Variants in CSMD3 observed in about 807,000 individuals in gnomAD.
CSMD3 encodes the protein CUB and Sushi multiple domains 3.
In CSMD3, 177 loss-of-function variants were observed where a neutral mutation model predicts 435.2. That is an observed-to-expected ratio of 0.41 (90% CI 0.36 to 0.46). The LOEUF is 0.46. Among genes scored for constraint, CSMD3 ranks in the 20% least tolerant of loss-of-function variants. CSMD3 has a pLI of 0.34. For missense variants in CSMD3, 4,265 were observed against 4,504.6 expected (o/e 0.95, Z 1.52); for synonymous variants, 1,656 against 1,520.5 (o/e 1.09, Z -2.07).
chr8:112,833,670 C>A (rs560184588), intron 11 of CSMD3, among the ~76,000 whole-genome samples: 1 of 150,906 alleles, frequency 6.6e-6, no homozygotes, highest in African/African-American at 2.5e-5. Flanking sequence ...AGAGGGAATG[C>A]TTCCAATATA....
chr8:112,370,032 A>AGAGGAG (rs1828205035), intron 38 of CSMD3, among the ~76,000 whole-genome samples: 1 of 35,116 alleles, frequency 2.8e-5, no homozygotes, highest in Admixed American at 6.2e-4. Context: ...AGGAAGAAGA[A>AGAGGAG]GAAGAAGAAG....
intron 18 of CSMD3, among the ~76,000 whole-genome samples, chr8:112,651,526 C>T (rs1345961156): frequency 6.6e-6 from 1 of 150,758 alleles, no homozygotes; most frequent in African/African-American, 2.4e-5. Flanking sequence ...CATTATTTTT[C>T]TAAGCACCCA....
At chr8:113,384,196 C>G (rs1396446114) in intron 1 of CSMD3, among the ~76,000 whole-genome samples, 2 of 152,180 alleles carry the variant, frequency 1.3e-5, no homozygotes, top group African/African-American at 4.8e-5. Flanking sequence ...TCTCTCTCTT[C>G]TCTACTAACT....
chr8:112,694,103 G>A (rs1036425824), intron 13 of CSMD3, among the ~76,000 whole-genome samples: 4 of 150,882 alleles, frequency 2.7e-5, no homozygotes. Context: ...ATTTTGTGAA[G>A]GTATCTACTC....
At chr8:112,688,104 A>G (rs1311985537) in intron 14 of CSMD3, among the ~76,000 whole-genome samples, 5 of 152,144 alleles carry the variant, frequency 3.3e-5, no homozygotes, top group African/African-American at 1.2e-4. Flanking sequence ...ACAATCAGTA[A>G]ATGAAAGTGT....
chr8:113,157,630 A>T (rs1429385085), intron 4 of CSMD3, among the ~76,000 whole-genome samples: 2 of 152,086 alleles, frequency 1.3e-5, no homozygotes, highest in Admixed American at 1.3e-4. Flanking sequence ...ACATTGATAG[A>T]GTTGAAGAAA....
At chr8:112,594,471 A>C (rs1249308845) in intron 22 of CSMD3, among the ~76,000 whole-genome samples, 1 of 152,202 alleles carries the variant, frequency 6.6e-6, no homozygotes, top group Non-Finnish European at 1.5e-5. Context: ...AGGCTTGCTT[A>C]GGTAAACAAA....
chr8:112,453,299 C>A (rs959248522), intron 32 of CSMD3, among the ~76,000 whole-genome samples: 1 of 152,002 alleles, frequency 6.6e-6, no homozygotes, highest in Non-Finnish European at 1.5e-5. Context: ...TAAAAGGAAT[C>A]CAAGTAGGAA....
intron 16 of CSMD3, among the ~76,000 whole-genome samples, chr8:112,672,442 T>A (rs1264045524): frequency 2.6e-5 from 4 of 152,032 alleles, no homozygotes; most frequent in Non-Finnish European, 5.9e-5. Flanking sequence ...AAATGCAGAT[T>A]CCTGTATTGT....
chr8:112,427,935 A>C (rs1455010576), intron 32 of CSMD3, among the ~76,000 whole-genome samples: 2 of 152,174 alleles, frequency 1.3e-5, no homozygotes, highest in Non-Finnish European at 2.9e-5. Flanking sequence ...CTTTTATGGA[A>C]GTGATTAATC....
intron 64 of CSMD3, among the ~76,000 whole-genome samples, chr8:112,246,795 A>G (rs534838445): frequency 1.1e-4 from 17 of 152,294 alleles, no homozygotes; most frequent in African/African-American, 3.4e-4. Flanking sequence ...AGGTCTTTAC[A>G]AAAAGAACAA....
rs542553791 is a variant in CSMD3, at chr8:112,615,033, G to A, written c.3715+21784C>T. On this transcript the variant is annotated intron_variant, in intron 22 of 70. Coordinates refer to ENST00000297405, the MANE Select transcript of CSMD3 (RefSeq NM_198123.2). ...AAAAAAACTGTACTCATATCTTCTAGGGCTAGAAAATAACAACTGGTCTTA... is the reference window on the plus strand; with the variant it reads ...AAAAAAACTGTACTCATATCTTCTAAGGCTAGAAAATAACAACTGGTCTTA... 2.0e-5 allele frequency among the ~76,000 whole-genome samples: 3 copies of A among 151,926 alleles called. No individual in the cohort carries two copies. In the South Asian group the frequency reaches 6.2e-4, roughly 32 times the overall value.
intron 27 of CSMD3, among the ~76,000 whole-genome samples, chr8:112,536,049 G>A (rs1371009837): frequency 2.0e-5 from 3 of 152,090 alleles, no homozygotes; most frequent in African/African-American, 7.2e-5. Context: ...TTAAATGTTA[G>A]ACCTAAAACC....
chr8:112,584,007 C>T (rs1287613446), intron 23 of CSMD3, among the ~76,000 whole-genome samples: 1 of 151,576 alleles, frequency 6.6e-6, no homozygotes, highest in Non-Finnish European at 1.5e-5. Context: ...TATTTATCCA[C>T]CTTTGACAAA....
chr8:113,353,209 G>T (rs562333796), intron 1 of CSMD3, among the ~76,000 whole-genome samples: 2 of 152,110 alleles, frequency 1.3e-5, no homozygotes, highest in African/African-American at 4.8e-5. Flanking sequence ...AAAGGACATA[G>T]GAGGAGTAGA....
intron 69 of CSMD3, among the ~76,000 whole-genome samples, chr8:112,229,579 C>A (rs1288313195): frequency 2.0e-5 from 3 of 152,054 alleles, no homozygotes; most frequent in East Asian, 3.9e-4. Context: ...CAGGCACATG[C>A]AACCACACCT....
intron 2 of CSMD3, among the ~76,000 whole-genome samples, chr8:113,284,229 G>GA (rs908013737): frequency 7.3e-5 from 11 of 150,616 alleles, no homozygotes; most frequent in Non-Finnish European, 1.2e-4. Flanking sequence ...AATACTTATG[G>GA]AAAAAAAAAG....
chr8:113,013,237 C>T (rs755666126), intron 6 of CSMD3, among the ~76,000 whole-genome samples: 4 of 151,958 alleles, frequency 2.6e-5, no homozygotes, highest in African/African-American at 7.2e-5. Flanking sequence ...CCTTGAGAAA[C>T]GTGGGCATCC....
chr8:113,305,191 A>G (rs557424943), intron 2 of CSMD3, among the ~76,000 whole-genome samples: 234 of 150,996 alleles, frequency 1.5e-3, no homozygotes, highest in African/African-American at 5.5e-3. Context: ...TGGGAGATAT[A>G]CCTAATGATA....
Sources: gnomAD v4.1 joint callset for allele counts (sites outside exome capture counted in the v4.1 genomes callset) on GRCh38, gnomAD v4.1.1 for gene constraint, MANE v1.5 for transcripts, NCBI Gene and HGNC (gene_info 2026-07-23, HGNC 2026-07-21) for gene names.